The following ARHGAP15 variants were observed in gnomAD, a reference collection of about 807,000 sequenced individuals.
ARHGAP15 encodes the protein Rho GTPase activating protein 15, also known as rho GTPase-activating protein 15.
In ARHGAP15, 51 loss-of-function variants were observed where a neutral mutation model predicts 63.7. The ratio of observed to expected loss-of-function variants is 0.80; its 90% CI spans 0.64 to 1.01. The LOEUF is 1.01. Ranked by LOEUF, ARHGAP15 falls within the 50% of genes least tolerant of loss-of-function variation. The pLI, the probability that ARHGAP15 is intolerant of heterozygous loss-of-function variation, is 0.00. For synonymous variants in ARHGAP15, 191 were observed against 193.8 expected, an observed-to-expected ratio of 0.99 and a Z score of 0.12; for missense variants, 560 against 564.6, an observed-to-expected ratio of 0.99 and a Z score of 0.08.
chr2:143,415,184 T>C (rs1323951261), intron 6 of ARHGAP15, among the ~76,000 whole-genome samples: 2 of 151,912 alleles, frequency 1.3e-5, no homozygotes, highest in African/African-American at 4.8e-5. Flanking sequence ...AGAAGAAAAA[T>C]CAAGTGATCA....
At chr2:143,716,199 A>C (rs999136017) in intron 13 of ARHGAP15, among the ~76,000 whole-genome samples, 1 of 152,192 alleles carries the variant, frequency 6.6e-6, no homozygotes, top group Non-Finnish European at 1.5e-5. Flanking sequence ...AGATACTCTT[A>C]ATATTAAGAC....
intron 6 of ARHGAP15, among the ~76,000 whole-genome samples, chr2:143,289,075 GGA>G (rs1234832141): frequency 1.3e-5 from 2 of 151,948 alleles, no homozygotes; most frequent in East Asian, 3.9e-4. Flanking sequence ...CCATAGCTCT[GGA>G]GAGTTCAGGA....
chr2:143,514,530 C>T (rs577734480), intron 9 of ARHGAP15, among the ~76,000 whole-genome samples: 3 of 152,258 alleles, frequency 2.0e-5, no homozygotes, highest in Non-Finnish European at 4.4e-5. Flanking sequence ...TCCTGCCAAC[C>T]CTCTTTGTTT....
At chr2:143,574,954 C>G (rs1354890312) in intron 11 of ARHGAP15, among the ~76,000 whole-genome samples, 4 of 152,134 alleles carry the variant, frequency 2.6e-5, no homozygotes, top group Non-Finnish European at 5.9e-5. Flanking sequence ...CTCTAAATCT[C>G]TAAACTTCTC....
chr2:143,310,494 A>G (rs1683393794), intron 6 of ARHGAP15, among the ~76,000 whole-genome samples: 1 of 151,980 alleles, frequency 6.6e-6, no homozygotes, highest in Admixed American at 6.6e-5. Flanking sequence ...AATAATTTTT[A>G]TATTTATTTT....
At chr2:143,530,871 C>T (rs751980637) in intron 10 of ARHGAP15, among the ~76,000 whole-genome samples, 1 of 152,162 alleles carries the variant, frequency 6.6e-6, no homozygotes, top group Non-Finnish European at 1.5e-5. Context: ...GTTTACCTCT[C>T]CTTCTAATGA....
intron 11 of ARHGAP15, among the ~76,000 whole-genome samples, chr2:143,588,437 A>G (rs768858737): frequency 1.3e-5 from 2 of 152,104 alleles, no homozygotes; most frequent in Admixed American, 1.3e-4. Context: ...TACATGTGCC[A>G]TGGTGGTTTG....
At chr2:143,337,447 A>C (rs1684854729) in intron 6 of ARHGAP15, among the ~76,000 whole-genome samples, 1 of 152,142 alleles carries the variant, frequency 6.6e-6, no homozygotes, top group African/African-American at 2.4e-5. Context: ...AATATGTCAA[A>C]TTTTGCATTA....
intron 2 of ARHGAP15, among the ~76,000 whole-genome samples, chr2:143,156,861 C>T (rs947408831): frequency 2.0e-5 from 3 of 151,930 alleles, no homozygotes; most frequent in African/African-American, 7.2e-5. Context: ...CCTGACTTTG[C>T]TTTTAAACCA....
chr2:143,225,344 G>T (rs986501089), intron 4 of ARHGAP15, among the ~76,000 whole-genome samples: 10 of 152,138 alleles, frequency 6.6e-5, no homozygotes, highest in Non-Finnish European at 1.5e-4. Context: ...GCTCACTCCT[G>T]TAATCCCAGC....
chr2:143,622,004 G>A, intron 11 of ARHGAP15, among the ~76,000 whole-genome samples: 1 of 151,918 alleles, frequency 6.6e-6, no homozygotes, highest in East Asian at 1.9e-4. Flanking sequence ...AGATAGTTGT[G>A]TGTGTGTGTG....
intron 10 of ARHGAP15, among the ~76,000 whole-genome samples, chr2:143,538,475 C>T (rs552162725): frequency 6.6e-6 from 1 of 152,286 alleles, no homozygotes; most frequent in African/African-American, 2.4e-5. Context: ...AAAGGGAATG[C>T]TTCCAGTTTT....
At chr2:143,261,541 G>T (rs1680725326) in intron 6 of ARHGAP15, among the ~76,000 whole-genome samples, 2 of 151,234 alleles carry the variant, frequency 1.3e-5, no homozygotes, top group Admixed American at 1.3e-4. Context: ...TAGAGACGGG[G>T]TTTCACCATG....
At chr2:143,369,434 AC>A (rs1454500161) in intron 6 of ARHGAP15, among the ~76,000 whole-genome samples, 3 of 152,138 alleles carry the variant, frequency 2.0e-5, no homozygotes, top group African/African-American at 7.2e-5. Context: ...AAGTAGACAA[AC>A]CTTTGAGCTT....
intron 11 of ARHGAP15, among the ~76,000 whole-genome samples, chr2:143,563,085 G>A (rs1289818475): frequency 6.6e-6 from 1 of 152,180 alleles, no homozygotes; most frequent in Admixed American, 6.5e-5. Flanking sequence ...AATGTTGAAG[G>A]ATCGACCTCT....
intron 13 of ARHGAP15, among the ~76,000 whole-genome samples, chr2:143,714,220 C>A (rs2105447479): frequency 6.6e-6 from 1 of 152,378 alleles, no homozygotes; most frequent in East Asian, 1.9e-4. Context: ...ACAGGCTCAA[C>A]ACCACATAGC....
In ARHGAP15 at chr2:143,671,700, G is replaced by A. The variant is rs142021486; in HGVS notation, c.1139-31719G>A. ...TACTGTACCTTCAGTTCGTTTTGCT[G>A]GAGGTACTTTCATGAAATCCAGTTA... is the stretch of plus-strand genomic sequence containing the variant. On this transcript the variant is annotated intron_variant, in intron 12 of 13. Coordinates refer to ENST00000295095, the MANE Select transcript of ARHGAP15 (RefSeq NM_018460.4). 2.5e-3 allele frequency among the ~76,000 whole-genome samples: 385 copies of A among 152,198 alleles called. 1 individual carries two copies. Among genetic ancestry groups the A allele is most frequent in the Non-Finnish European group, 4.1e-3 (280 of 67,990 alleles).
At chr2:143,639,317 A>G (rs1680493123) in intron 12 of ARHGAP15, among the ~76,000 whole-genome samples, 1 of 152,114 alleles carries the variant, frequency 6.6e-6, no homozygotes, top group Admixed American at 6.6e-5. Context: ...TCAATTTAAA[A>G]CAAATTCAAC....
At chr2:143,667,589 A>T (rs75285133) in intron 12 of ARHGAP15, among the ~76,000 whole-genome samples, 40,856 of 103,788 alleles carry the variant, frequency 0.39, 6,044 homozygotes, top group East Asian at 0.49. Flanking sequence ...AATTAAAAAA[A>T]AAAAAAAAAA....
Sources: allele counts gnomAD v4.1 joint callset (sites outside exome capture counted in the v4.1 genomes callset), GRCh38; gene constraint gnomAD v4.1.1; transcripts MANE v1.5; gene names NCBI Gene and HGNC (gene_info 2026-07-23, HGNC 2026-07-21).